The following DDAH1 variants were observed in gnomAD, a reference collection of about 807,000 sequenced individuals.
The protein encoded by DDAH1 is N(G),N(G)-dimethylarginine dimethylaminohydrolase 1.
DDAH1 carries 19 observed loss-of-function variants against 28.8 expected under a neutral mutation model. The ratio of observed to expected loss-of-function variants is 0.66; its 90% CI spans 0.46 to 0.97. The LOEUF (loss-of-function observed/expected upper bound fraction) is 0.97, where lower values mean the gene tolerates loss of function less well. Ranked by LOEUF, DDAH1 falls within the 50% of genes least tolerant of loss-of-function variation. The pLI is 0.00. For missense variants in DDAH1, 326 were observed against 375.9 expected (o/e 0.87, Z 1.10); for synonymous variants, 153 against 154.4 (o/e 0.99, Z 0.07).
chr1:85,328,244 A>G (rs1355958665), intron 4 of DDAH1, among the ~76,000 whole-genome samples: 1 of 152,232 alleles, frequency 6.6e-6, no homozygotes, highest in Non-Finnish European at 1.5e-5. Context: ...CCTGCAGAGT[A>G]TGTGGCACCT....
At chr1:85,383,424 T>G (rs966864730) in intron 1 of DDAH1, among the ~76,000 whole-genome samples, 1 of 152,210 alleles carries the variant, frequency 6.6e-6, no homozygotes, top group Non-Finnish European at 1.5e-5. Context: ...TTGCTTCTTA[T>G]GGATGGGCAA....
chr1:85,368,113 C>A (rs1650170543), intron 1 of DDAH1, among the ~76,000 whole-genome samples: 1 of 152,082 alleles, frequency 6.6e-6, no homozygotes, highest in Non-Finnish European at 1.5e-5. Flanking sequence ...TAACCACTTA[C>A]AACACTAAGA....
At chr1:85,419,392 T>C (rs150876827) in intron 1 of DDAH1, among the ~76,000 whole-genome samples, 1,523 of 151,704 alleles carry the variant, frequency 0.01, 17 homozygotes, top group South Asian at 0.017. Context: ...CACAAAAAAT[T>C]AGCCAGGCAT....
At chr1:85,406,948 T>C (rs1052325060) in intron 1 of DDAH1, among the ~76,000 whole-genome samples, 1 of 152,096 alleles carries the variant, frequency 6.6e-6, no homozygotes, top group African/African-American at 2.4e-5. Context: ...TTCATAAAAT[T>C]TAAAGGAAAG....
intron 1 of DDAH1, among the ~76,000 whole-genome samples, chr1:85,542,843 A>G (rs1658510737): frequency 6.6e-6 from 1 of 152,188 alleles, no homozygotes; most frequent in South Asian, 2.1e-4. Flanking sequence ...AAACAAACCT[A>G]TGTTGGTTGG....
chr1:85,385,179 C>T (rs1476929838), intron 1 of DDAH1, among the ~76,000 whole-genome samples: 3 of 152,156 alleles, frequency 2.0e-5, no homozygotes, highest in African/African-American at 7.2e-5. Context: ...CTTGGTCTGC[C>T]AGAGTACCTT....
At position 85,480,445 on chromosome 1, in the gene DDAH1, A is replaced by G. The variant is rs147767459; in HGVS notation, c.-7+15721T>C. Among the ~76,000 whole-genome samples, 232 of 152,270 alleles carry G rather than the reference A, an allele frequency of 1.5e-3. 1 individual carries two copies. Among genetic ancestry groups the G allele is most frequent in the Non-Finnish European group, 2.0e-3 (136 of 68,004 alleles). ...TTAAGAAATGGTTTCTCCATTCATCATTTTAAAAATCAGGAACAGGCAGGT... is the reference window on the plus strand; with the variant it reads ...TTAAGAAATGGTTTCTCCATTCATCGTTTTAAAAATCAGGAACAGGCAGGT... On this transcript the variant is annotated intron_variant, in intron 2 of 6. Transcript: ENST00000426972.
intron 4 of DDAH1, among the ~76,000 whole-genome samples, chr1:85,348,582 A>G (rs1416326102): frequency 6.6e-6 from 1 of 152,022 alleles, no homozygotes; most frequent in Non-Finnish European, 1.5e-5. Flanking sequence ...CCATGTCCCC[A>G]CCTGTAATTT....
intron 1 of DDAH1, among the ~76,000 whole-genome samples, chr1:85,416,681 T>G (rs1652903109): frequency 6.6e-6 from 1 of 152,186 alleles, no homozygotes; most frequent in Non-Finnish European, 1.5e-5. Context: ...TTTTTTTCTT[T>G]TTTTGAAACA....
chr1:85,407,174 C>T (rs769735547), intron 1 of DDAH1, among the ~76,000 whole-genome samples: 18 of 152,054 alleles, frequency 1.2e-4, no homozygotes, highest in Non-Finnish European at 8.8e-5. Flanking sequence ...TCCCATTGCC[C>T]CAGTATTAAA....
chr1:85,322,967 C>T (rs1167038800), intron 5 of DDAH1, among the ~76,000 whole-genome samples: 1 of 152,046 alleles, frequency 6.6e-6, no homozygotes, highest in Non-Finnish European at 1.5e-5. Context: ...CAGGAACTTG[C>T]ATTTTTAGCA....
chr1:85,505,794 G>GA (rs1246800826), intron 1 of DDAH1, among the ~76,000 whole-genome samples: 1 of 152,102 alleles, frequency 6.6e-6, no homozygotes. Context: ...TCCTACAATA[G>GA]ACAAATGATC....
chr1:85,389,687 A>T (rs1260980329), intron 1 of DDAH1, among the ~76,000 whole-genome samples: 2 of 152,212 alleles, frequency 1.3e-5, no homozygotes, highest in African/African-American at 4.8e-5. Flanking sequence ...GGAGATGCTA[A>T]CAAGTTTTAT....
intron 1 of DDAH1, among the ~76,000 whole-genome samples, chr1:85,416,275 G>A (rs1652885148): frequency 1.3e-5 from 2 of 150,642 alleles, no homozygotes; most frequent in South Asian, 2.1e-4. Context: ...TTTTTGAGAC[G>A]GAGTCTCACT....
chr1:85,460,198 C>T (rs1046879695), intron 1 of DDAH1, among the ~76,000 whole-genome samples: 1 of 152,112 alleles, frequency 6.6e-6, no homozygotes, highest in African/African-American at 2.4e-5. Flanking sequence ...GTTCACTTGC[C>T]TCCAGGATGA....
chr1:85,475,390 C>A (rs763206809), intron 2 of DDAH1, among the ~76,000 whole-genome samples: 15 of 152,138 alleles, frequency 9.9e-5, no homozygotes, highest in Non-Finnish European at 1.5e-4. Context: ...TGACTTTCAA[C>A]AAAGGTTACT....
chr1:85,427,448 T>A (rs1269388850), intron 1 of DDAH1, among the ~76,000 whole-genome samples: 4 of 152,164 alleles, frequency 2.6e-5, no homozygotes, highest in Non-Finnish European at 5.9e-5. Flanking sequence ...GGAACTTTGT[T>A]TAGGATTTTT....
intron 1 of DDAH1, among the ~76,000 whole-genome samples, chr1:85,444,464 G>A (rs1412588118): frequency 6.6e-6 from 1 of 152,120 alleles, no homozygotes; most frequent in Non-Finnish European, 1.5e-5. Flanking sequence ...CCAGGATATT[G>A]GTCTAAAATT....
chr1:85,567,267 T>A (rs1659331045), intron 1 of DDAH1, among the ~76,000 whole-genome samples: 1 of 152,212 alleles, frequency 6.6e-6, no homozygotes, highest in Admixed American at 6.5e-5. Flanking sequence ...AATGATATGG[T>A]TTGGCTCTGT....
Sources: allele counts gnomAD v4.1 joint callset (sites outside exome capture counted in the v4.1 genomes callset), GRCh38; gene constraint gnomAD v4.1.1; transcripts MANE v1.5; gene names NCBI Gene and HGNC (gene_info 2026-07-23, HGNC 2026-07-21).